Variants in ITIH2 observed in about 807,000 individuals in gnomAD.
ITIH2 encodes the protein inter-alpha-trypsin inhibitor heavy chain 2, also known as inter-alpha-trypsin inhibitor heavy chain H2.
In ITIH2, 103 loss-of-function variants were observed where a neutral mutation model predicts 104.4. That is an observed-to-expected ratio of 0.99 (90% CI 0.84 to 1.16). The LOEUF is 1.16. Ranked by LOEUF, ITIH2 falls within the 50% of genes most tolerant of loss-of-function variation. The pLI is 0.00. For missense variants in ITIH2, 1,108 were observed against 1,162.4 expected (o/e 0.95, Z 0.68); for synonymous variants, 436 against 435.4 (o/e 1.00, Z -0.02).
intron 11 of ITIH2, among the ~76,000 whole-genome samples, chr10:7,728,993 A>T (rs962079933): frequency 6.6e-6 from 1 of 152,226 alleles, no homozygotes; most frequent in African/African-American, 2.4e-5. Context: ...GAATGAAATC[A>T]TAAGGTGGAA....
In ITIH2 at chr10:7,709,272, T is replaced by A. The variant is rs971264856; in HGVS notation, c.362+81T>A. 7.5e-6 allele frequency: 10 copies of A among 1,327,890 alleles called. No individual in the cohort carries two copies. The South Asian group carries it at 9.7e-5, about 13-fold the overall frequency. The allele number at this position is 1,327,890 out of a possible 1,614,324, so 82.3% of individuals were successfully genotyped here. A position where few individuals can be genotyped will look rare whatever the true frequency, so the allele number is the denominator to read the frequency against. On this transcript the variant is annotated intron_variant, in intron 4 of 20. Coordinates refer to ENST00000358415, the MANE Select transcript of ITIH2 (RefSeq NM_002216.3). ...AACCCCTCATAGTTAGAATGGACTT[T>A]AGTGGTCAACTGTCCCAGAGGACCG...
intron 9 of ITIH2, among the ~76,000 whole-genome samples, chr10:7,726,388 G>C (rs1224602913): frequency 6.6e-6 from 1 of 152,176 alleles, no homozygotes; most frequent in East Asian, 1.9e-4. Context: ...GAATAGATGG[G>C]TTTGCATTAG....
At chr10:7,710,638 ATGTACTTTGGCTG>A (rs1284121469) in intron 4 of ITIH2, among the ~76,000 whole-genome samples, 3 of 152,226 alleles carry the variant, frequency 2.0e-5, no homozygotes, top group African/African-American at 4.8e-5. Flanking sequence ...TTCAACCACC[ATGTACTTTGGCTG>A]CCGAAAGTGG....
At chr10:7,743,017 A>G (rs1300009676) in intron 16 of ITIH2, 129 bp from the exon 17 acceptor site, 14 of 621,564 alleles carry the variant, frequency 2.3e-5, no homozygotes, top group Non-Finnish European at 3.7e-5. Context: ...CTGGAGGAGT[A>G]CCGAGCATGT....
chr10:7,729,933 C>T lies in ITIH2; in HGVS notation c.1280-19C>T, dbSNP rs370603823. 4.0e-5 allele frequency: 63 copies of T among 1,560,036 alleles called. No individual in the cohort carries two copies. The highest frequency in any genetic ancestry group is 4.9e-5 in the Non-Finnish European group (56 of 1,151,218). ...TATTGCTTCTTCATTCCTTTCCTTT[C>T]GGACATCACCAACTTTAGGCGAACT... On this transcript the variant is annotated intron_variant, in intron 11 of 20. Transcript: ENST00000358415.
intron 5 of ITIH2, among the ~76,000 whole-genome samples, chr10:7,716,609 G>A (rs1018358774): frequency 2.0e-5 from 3 of 151,758 alleles, no homozygotes; most frequent in African/African-American, 4.8e-5. Flanking sequence ...GGTGGCGCAT[G>A]CCTGTAGTCC....
In ITIH2 at chr10:7,707,855, G is replaced by T. The variant is rs77658840; in HGVS notation, c.192+622G>T. ...GCTGGGATTACAGGCATGAGCCATT[G>T]CTTCCAGCACCATTTTGATTTAAAG... On this transcript the variant is annotated intron_variant, in intron 3 of 20. Transcript: ENST00000358415. Among the ~76,000 whole-genome samples the T allele has an allele frequency of 2.6e-5, 4 of 152,188 alleles. No individual in the cohort carries two copies. The East Asian group carries it at 7.7e-4, about 29-fold the overall frequency.
At position 7,732,471 on chromosome 10, in the gene ITIH2, C is replaced by G. The variant is rs1564304059; in HGVS notation, c.1781C>G (p.Ala594Gly). Residue 594 changes from alanine (A) to glycine (G), a missense_variant, in exon 14 of 21, where the codon GCT (alanine) becomes GGT (glycine). Transcript: ENST00000358415. ...WAYLTINQLL[A>G]ERSLAPTAAA... Reference sequence around the variant, plus strand: ...TATCTAACCATCAACCAACTGCTAGCTGAACGGTAAGAAGAGAAGAGTACC... The same window carrying G: ...TATCTAACCATCAACCAACTGCTAGGTGAACGGTAAGAAGAGAAGAGTACC... 1.9e-6 allele frequency: 3 copies of G among 1,613,432 alleles called. No homozygotes were observed. The East Asian group carries it at 6.7e-5, about 36-fold the overall frequency.
chr10:7,717,601 T>A (rs1340367219), intron 5 of ITIH2, 25 bp from the exon 6 acceptor site: 4 of 1,606,184 alleles, frequency 2.5e-6, no homozygotes, highest in Non-Finnish European at 2.6e-6. Context: ...ATCTGTTGAC[T>A]TTTGTTGGGG....
At chr10:7,746,067 TTAAAAAAAAA>T (rs1835174402) in intron 19 of ITIH2, among the ~76,000 whole-genome samples, 3 of 51,092 alleles carry the variant, frequency 5.9e-5, no homozygotes, top group Admixed American at 6.3e-4. Context: ...AATCTTAAAT[TTAAAAAAAAA>T]AAAAAAAAAA....
chr10:7,712,291 G>C (rs1471921634), intron 4 of ITIH2, among the ~76,000 whole-genome samples: 2 of 152,194 alleles, frequency 1.3e-5, no homozygotes, highest in Admixed American at 1.3e-4. Context: ...AGAGATGAGA[G>C]AGCTCTTCGA....
Position 7,721,646 on chromosome 10 carries a change from T to C in ITIH2, c.739-3T>C. 6.2e-7 allele frequency: 1 copy of C among 1,613,332 alleles called. No individual in the cohort carries two copies. The highest frequency in any genetic ancestry group is 8.5e-7 in the Non-Finnish European group (1 of 1,179,492). Reference sequence around the variant, plus strand: ...GAGGCTCTGATGTCACCGTTCTTTCTAGGCGCACGTCTCCTTCAAGCCCAC... The same window carrying C: ...GAGGCTCTGATGTCACCGTTCTTTCCAGGCGCACGTCTCCTTCAAGCCCAC... On this transcript the variant is annotated splice_polypyrimidine_tract_variant and splice_region_variant and intron_variant, in intron 7 of 20. Coordinates refer to ENST00000358415, the MANE Select transcript of ITIH2 (RefSeq NM_002216.3).
At chr10:7,713,021 G>A (rs1834811825) in intron 4 of ITIH2, among the ~76,000 whole-genome samples, 160 bp from the exon 5 acceptor site, 1 of 152,120 alleles carries the variant, frequency 6.6e-6, no homozygotes, top group Non-Finnish European at 1.5e-5. Context: ...TCAGGGGGCT[G>A]AAGCAGGAGA....
chr10:7,717,591 A>G (rs754391957), intron 5 of ITIH2, 35 bp from the exon 6 acceptor site: 2 of 1,599,274 alleles, frequency 1.3e-6, no homozygotes, highest in African/African-American at 2.7e-5. Flanking sequence ...TCAATCATGT[A>G]TCTGTTGACT....
chr10:7,736,884 T>C (rs539260994), intron 15 of ITIH2, among the ~76,000 whole-genome samples: 25 of 152,332 alleles, frequency 1.6e-4, no homozygotes, highest in Non-Finnish European at 3.2e-4. Context: ...TGTCTGGTTA[T>C]ATTCAGTTAC....
At chr10:7,748,573 G>A (rs1435924932) in intron 20 of ITIH2, among the ~76,000 whole-genome samples, 3 of 93,728 alleles carry the variant, frequency 3.2e-5, no homozygotes, top group Non-Finnish European at 6.0e-5. Flanking sequence ...ACAGAGTCTT[G>A]CTCTGTCGCC....
chr10:7,721,084 T>C (rs1834898482), intron 7 of ITIH2, 121 bp downstream of exon 7: 2 of 671,926 alleles, frequency 3.0e-6, no homozygotes, highest in Admixed American at 5.1e-5. Context: ...GTTGAAGAAA[T>C]GGGGATCCCC....
Position 7,723,585 on chromosome 10 carries a change from TG to T in ITIH2, c.984+19del. On this transcript the variant is annotated intron_variant, in intron 9 of 20. Transcript: ENST00000358415. Reference sequence around the variant, plus strand: ...TGAAACAAGTAAGTACCCCCTTGTTTGCAGTGGTTGGGGGGATTCCCTATCT... The same window carrying T: ...TGAAACAAGTAAGTACCCCCTTGTTTCAGTGGTTGGGGGGATTCCCTATCT... The T allele has an allele frequency of 6.9e-7, 1 of 1,444,018 alleles. No homozygotes were observed. Among genetic ancestry groups the T allele is most frequent in the Non-Finnish European group, 9.8e-7 (1 of 1,025,028 alleles). 89.5% of individuals were successfully genotyped at this position (1,444,018 alleles called of 1,614,324 possible). A position where few individuals can be genotyped will look rare whatever the true frequency, so the allele number is the denominator to read the frequency against.
intron 3 of ITIH2, 33 bp downstream of exon 3, chr10:7,707,266 G>T (rs1276642707): frequency 1.3e-6 from 2 of 1,520,196 alleles, no homozygotes; most frequent in South Asian, 1.1e-5. Context: ...CAGATTGAAT[G>T]ATTTTCCTGT....
Sources: gnomAD v4.1 joint callset for allele counts (sites outside exome capture counted in the v4.1 genomes callset) on GRCh38, gnomAD v4.1.1 for gene constraint, MANE v1.5 for transcripts, NCBI Gene and HGNC (gene_info 2026-07-23, HGNC 2026-07-21) for gene names.